The following GFRA3 variants were observed in gnomAD, a reference collection of about 807,000 sequenced individuals.
GFRA3 encodes the protein GDNF family receptor alpha 3.
GFRA3 carries 24 observed loss-of-function variants against 40.0 expected under a neutral mutation model. The observed-to-expected ratio is 0.60, with a 90% CI of 0.43 to 0.84. The LOEUF (loss-of-function observed/expected upper bound fraction) is 0.84. GFRA3 is among the 40% of genes least tolerant of loss of function. GFRA3 has a pLI of 0.00. For missense variants in GFRA3, 405 were observed against 530.6 expected (o/e 0.76, Z 2.33); for synonymous variants, 203 against 213.5 (o/e 0.95, Z 0.43).
chr5:138,254,312 C>T (rs113913981), intron 4 of GFRA3, 152 bp from the exon 5 acceptor site: 21,668 of 618,346 alleles, frequency 0.035, 508 homozygotes, highest in African/African-American at 0.054. Flanking sequence ...CTCAGCCTCC[C>T]GAGTAGCTGG....
chr5:138,269,844 C>CA (rs71585112), intron 1 of GFRA3, among the ~76,000 whole-genome samples: 833 of 79,848 alleles, frequency 0.01, 22 homozygotes, highest in African/African-American at 0.037. Context: ...GACTCCATCT[C>CA]AAAAAAAAAA....
intron 4 of GFRA3, among the ~76,000 whole-genome samples, chr5:138,254,450 G>A (rs1322336197): frequency 5.3e-5 from 8 of 152,116 alleles, no homozygotes; most frequent in South Asian, 2.1e-4. Context: ...GCCTCTCAAA[G>A]TGCTGGGATT....
chr5:138,270,489 C>G (rs1755853752), intron 1 of GFRA3, among the ~76,000 whole-genome samples: 1 of 150,404 alleles, frequency 6.6e-6, no homozygotes, highest in South Asian at 2.1e-4. Flanking sequence ...TATATTCTCA[C>G]TGATATGTGG....
Position 138,259,592 on chromosome 5 carries a change from T to A in GFRA3, c.437A>T (p.Lys146Ile). 1 of 1,573,386 alleles carries A rather than the reference T, an allele frequency of 6.4e-7. No individual in the cohort carries two copies. ...YEDTVTSKPW[K>I]MNLSKLNMLK... ...CATGTTCAGTTTGCTGAGATTCATTTTCCAGGGTTTGCTGGTCACTGTGTC... is the reference window on the plus strand; with the variant it reads ...CATGTTCAGTTTGCTGAGATTCATTATCCAGGGTTTGCTGGTCACTGTGTC... The change falls in exon 3 of 8, where the codon AAA becomes ATA. Residue 146 changes from lysine (K) to isoleucine (I), a missense_variant. Coordinates refer to ENST00000274721, the MANE Select transcript of GFRA3 (RefSeq NM_001496.4).
chr5:138,272,269 G>A (rs1051203903), intron 1 of GFRA3, among the ~76,000 whole-genome samples: 2 of 151,440 alleles, frequency 1.3e-5, no homozygotes, highest in African/African-American at 2.4e-5. Flanking sequence ...GCCTCCCAAA[G>A]TGCTGGGATT....
intron 1 of GFRA3, among the ~76,000 whole-genome samples, chr5:138,271,907 T>TG (rs61112096): frequency 2.0e-5 from 2 of 98,644 alleles, no homozygotes; most frequent in Non-Finnish European, 2.2e-5. Flanking sequence ...TTTTTTTTTT[T>TG]TTTTTTTGTG....
At chr5:138,256,946 C>CAAAA (rs11439851) in intron 4 of GFRA3, among the ~76,000 whole-genome samples, 31 of 132,940 alleles carry the variant, frequency 2.3e-4, no homozygotes, top group African/African-American at 7.4e-4. Flanking sequence ...GACTCTGTCT[C>CAAAA]AAAAAAAAAA....
Position 138,274,481 on chromosome 5 carries a change from G to A in GFRA3, c.-57C>T. On this transcript the variant is annotated 5_prime_UTR_variant, in exon 1 of 8. Transcript: ENST00000274721. ...CCTCGCTCCTCCCCTGGAGCTCTGA[G>A]AGCGGGGCTCCCTCGACCGGCACCT... 8.0e-7 allele frequency: 1 copy of A among 1,251,700 alleles called. No homozygotes were observed. Among genetic ancestry groups the A allele is most frequent in the Non-Finnish European group, 1.0e-6 (1 of 996,806 alleles). 77.5% of individuals were successfully genotyped at this position (1,251,700 alleles called of 1,614,324 possible).
intron 3 of GFRA3, among the ~76,000 whole-genome samples, chr5:138,258,772 T>G (rs1171721170): frequency 6.6e-6 from 1 of 152,220 alleles, no homozygotes. Flanking sequence ...TAATGTCACC[T>G]GCCCATCTTT....
intron 1 of GFRA3, among the ~76,000 whole-genome samples, chr5:138,269,401 AG>A (rs1226653699): frequency 6.6e-6 from 1 of 151,758 alleles, no homozygotes; most frequent in African/African-American, 2.4e-5. Context: ...CCAGGTGTGG[AG>A]GCGGGCACCT....
Position 138,257,716 on chromosome 5 carries a change from G to C in GFRA3, c.708C>G (p.Ala236=). ...GCGERRRNTI[A]PNCALPPVAP... Reference sequence around the variant, plus strand: ...CCACAGGCGGCAGCGCGCAGTTGGGGGCGATGGTGTTGCGCCGGCGCTCCC... The same window carrying C: ...CCACAGGCGGCAGCGCGCAGTTGGGCGCGATGGTGTTGCGCCGGCGCTCCC... Residue 236 remains alanine (A), a synonymous_variant, in exon 4 of 8, where the codon GCC becomes GCG. Coordinates refer to ENST00000274721, the MANE Select transcript of GFRA3 (RefSeq NM_001496.4). 4.3e-6 allele frequency: 7 copies of C among 1,610,652 alleles called. No homozygotes were observed. Among genetic ancestry groups the C allele is most frequent in the Non-Finnish European group, 5.9e-6 (7 of 1,178,856 alleles).
rs750630458 is a variant in GFRA3 at position 138,254,043 on chromosome 5, GC to G, written c.889+13del. 4.4e-6 allele frequency: 7 copies of G among 1,584,484 alleles called. No homozygotes were observed. The highest frequency in any genetic ancestry group is 1.7e-4 in the Middle Eastern group (1 of 6,000). ...AGCCAACATAGGGTTCCCTACACAT[GC>G]CCCCAGCCTCACCAATCAGCCCCAG... On this transcript the variant is annotated intron_variant, in intron 5 of 7. Coordinates refer to ENST00000274721, the MANE Select transcript of GFRA3 (RefSeq NM_001496.4).
intron 1 of GFRA3, among the ~76,000 whole-genome samples, chr5:138,270,273 G>A (rs1755849442): frequency 6.6e-6 from 1 of 150,542 alleles, no homozygotes. Flanking sequence ...CTCGGAGGCT[G>A]AGGCAGGAGA....
At position 138,268,282 on chromosome 5, in the gene GFRA3, C is replaced by A. The variant is rs59490489; in HGVS notation, c.92-3734G>T. Among the ~76,000 whole-genome samples, 14 of 634 alleles carry A rather than the reference C, an allele frequency of 0.022. No homozygotes were observed. The East Asian group carries it at 0.35, about 16-fold the overall frequency. The allele number at this position is 634 out of a possible 152,430, so 0.4% of individuals were successfully genotyped here. On this transcript the variant is annotated intron_variant, in intron 1 of 7. Coordinates refer to ENST00000274721, the MANE Select transcript of GFRA3 (RefSeq NM_001496.4). Reference sequence around the variant, plus strand: ...CCTGGGCAGCAGGGTGAGACTCCATCTGAAAAAAAAAAAAAAAAAGAAATC... The same window carrying A: ...CCTGGGCAGCAGGGTGAGACTCCATATGAAAAAAAAAAAAAAAAAGAAATC...
intron 1 of GFRA3, among the ~76,000 whole-genome samples, chr5:138,274,011 C>G (rs1350994601): frequency 6.6e-6 from 1 of 152,190 alleles, no homozygotes; most frequent in Non-Finnish European, 1.5e-5. Flanking sequence ...GAGACGCTGT[C>G]TTGGTAGTGA....
At chr5:138,258,008 G>C in intron 3 of GFRA3, 57 bp from the exon 4 acceptor site, 14 of 1,410,992 alleles carry the variant, frequency 9.9e-6, no homozygotes, top group Non-Finnish European at 1.4e-5. Context: ...CTGCACCCCA[G>C]GTTCCACAGG....
Position 138,274,314 on chromosome 5 carries a change from G to C in GFRA3, c.91+20C>G. On this transcript the variant is annotated intron_variant, in intron 1 of 7. Transcript: ENST00000274721. ...CCCCCTCCCACTGTACCCCCGGCCG[G>C]TGCGCGCTCTGACACTCACCGGCTG... is the stretch of plus-strand genomic sequence containing the variant. 2.3e-6 allele frequency: 3 copies of C among 1,319,746 alleles called. No individual in the cohort carries two copies. The highest frequency in any genetic ancestry group is 2.9e-6 in the Non-Finnish European group (3 of 1,029,226). 81.8% of individuals were successfully genotyped at this position (1,319,746 alleles called of 1,614,324 possible). A position where few individuals can be genotyped will look rare whatever the true frequency, so the allele number is the denominator to read the frequency against.
intron 4 of GFRA3, among the ~76,000 whole-genome samples, chr5:138,255,164 G>A (rs1755610046): frequency 6.6e-6 from 1 of 151,912 alleles, no homozygotes; most frequent in Non-Finnish European, 1.5e-5. Context: ...TACCTTATTG[G>A]GGTTCTTGTG....
chr5:138,261,889 T>C (rs1055257085), intron 2 of GFRA3, among the ~76,000 whole-genome samples: 29 of 152,100 alleles, frequency 1.9e-4, no homozygotes, highest in Admixed American at 6.6e-5. Flanking sequence ...ATTAAGATGG[T>C]ACCCAATAAG....
Sources: gnomAD v4.1 joint callset for allele counts (sites outside exome capture counted in the v4.1 genomes callset) on GRCh38, gnomAD v4.1.1 for gene constraint, MANE v1.5 for transcripts, NCBI Gene and HGNC (gene_info 2026-07-23, HGNC 2026-07-21) for gene names.